Variants in KIAA0513 observed in about 807,000 individuals in gnomAD.
KIAA0513 encodes uncharacterized protein KIAA0513.
Under a neutral mutation model 56.5 loss-of-function variants are expected in KIAA0513, and 39 were observed. The observed-to-expected ratio is 0.69, with a 90% CI of 0.53 to 0.90. The LOEUF is 0.90. Ranked by LOEUF, KIAA0513 falls within the 40% of genes least tolerant of loss-of-function variation. The pLI is 0.00. For missense variants in KIAA0513, 591 were observed against 535.2 expected, an observed-to-expected ratio of 1.10 and a Z score of -1.03; for synonymous variants, 268 against 215.6, an observed-to-expected ratio of 1.24 and a Z score of -2.13.
chr16:85,034,938 A>G (rs1457977101), intron 1 of KIAA0513, among the ~76,000 whole-genome samples: 1 of 152,182 alleles, frequency 6.6e-6, no homozygotes, highest in Non-Finnish European at 1.5e-5. Context: ...GAGAAAGTGC[A>G]GGTCACCTTT....
intron 12 of KIAA0513, 108 bp from the exon 13 acceptor site, chr16:85,088,168 C>T: frequency 3.0e-6 from 3 of 984,682 alleles, no homozygotes; most frequent in South Asian, 2.8e-5. Flanking sequence ...GAGCTGCAGC[C>T]CTGCTCCCAG....
At chr16:85,045,784 C>T (rs1392721441) in intron 1 of KIAA0513, among the ~76,000 whole-genome samples, 1 of 152,208 alleles carries the variant, frequency 6.6e-6, no homozygotes, top group Non-Finnish European at 1.5e-5. Context: ...TCTGCTCCAG[C>T]CTGTGCAGGC....
In KIAA0513 at chr16:85,093,773, G is replaced by A. The variant is rs1254902551; in HGVS notation, c.*5448G>A. ...AGGGTCTTCTGGGTGGACACGTGGAGAAAGAGAAGGCAAACGTTGGAACAC... is the reference window on the plus strand; with the variant it reads ...AGGGTCTTCTGGGTGGACACGTGGAAAAAGAGAAGGCAAACGTTGGAACAC... On this transcript the variant is annotated 3_prime_UTR_variant, in exon 13 of 13. Coordinates refer to ENST00000683363, the MANE Select transcript of KIAA0513 (RefSeq NM_001388359.1). The A allele has an allele frequency of 1.3e-5, 2 of 152,324 alleles. No individual in the cohort carries two copies. Among genetic ancestry groups the A allele is most frequent in the African/African-American group, 4.8e-5 (2 of 41,456 alleles). 9.4% of individuals were successfully genotyped at this position (152,324 alleles called of 1,614,324 possible).
rs78892413 is a variant in KIAA0513, at chr16:85,061,965, C to T, written c.-172-4935C>T. Among the ~76,000 whole-genome samples, 102 of 152,244 alleles carry T rather than the reference C, an allele frequency of 6.7e-4. 1 individual carries two copies. The East Asian group carries it at 0.018, about 27-fold the overall frequency. On this transcript the variant is annotated intron_variant, in intron 1 of 12. Coordinates refer to ENST00000683363, the MANE Select transcript of KIAA0513 (RefSeq NM_001388359.1). Reference sequence around the variant, plus strand: ...CTTTCTAAAGTGGTTACCTTAGGGCCTGCATGCTTCATGTTCCCTCTGCCT... The same window carrying T: ...CTTTCTAAAGTGGTTACCTTAGGGCTTGCATGCTTCATGTTCCCTCTGCCT...
intron 1 of KIAA0513, among the ~76,000 whole-genome samples, chr16:85,065,988 G>A (rs1373797006): frequency 6.6e-6 from 1 of 152,230 alleles, no homozygotes; most frequent in African/African-American, 2.4e-5. Flanking sequence ...ACGTAGTCAG[G>A]AGTCCTCGCT....
chr16:85,093,376 G>A lies in KIAA0513; in HGVS notation c.*5051G>A, dbSNP rs111612726. The stretch of plus-strand genomic sequence containing the variant: ...CTTCCCTTCTACACCCCTCCTGCAG[G>A]ACAGTACGATTTGGGGAGAACCCAG... On this transcript the variant is annotated 3_prime_UTR_variant, in exon 13 of 13. Coordinates refer to ENST00000683363, the MANE Select transcript of KIAA0513 (RefSeq NM_001388359.1). 5,149 of 152,558 alleles carry A rather than the reference G, an allele frequency of 0.034. 132 individuals carry two copies. Among genetic ancestry groups the A allele is most frequent in the Non-Finnish European group, 0.053 (3,624 of 68,034 alleles). The allele number at this position is 152,558 out of a possible 1,614,324, so 9.5% of individuals were successfully genotyped here.
intron 1 of KIAA0513, among the ~76,000 whole-genome samples, chr16:85,040,841 G>A (rs531692722): frequency 4.6e-5 from 7 of 152,200 alleles, no homozygotes; most frequent in Non-Finnish European, 7.3e-5. Flanking sequence ...TGTGCCTTGA[G>A]AACTGTGGAT....
chr16:85,051,993 A>G (rs2073259180), intron 1 of KIAA0513, among the ~76,000 whole-genome samples: 1 of 151,714 alleles, frequency 6.6e-6, no homozygotes, highest in Non-Finnish European at 1.5e-5. Context: ...CACTTATTAA[A>G]TGAAAATGCC....
At chr16:85,080,180 G>A (rs1404676645) in intron 8 of KIAA0513, among the ~76,000 whole-genome samples, 1 of 152,306 alleles carries the variant, frequency 6.6e-6, no homozygotes, top group African/African-American at 2.4e-5. Flanking sequence ...TGGAAGCAGA[G>A]GACGGGGAGA....
At chr16:85,033,179 G>C (rs1052170017) in intron 1 of KIAA0513, among the ~76,000 whole-genome samples, 1 of 152,138 alleles carries the variant, frequency 6.6e-6, no homozygotes, top group African/African-American at 2.4e-5. Flanking sequence ...AGTACTGACC[G>C]TTGTGCTTCA....
At position 85,078,912 on chromosome 16, in the gene KIAA0513, T is replaced by C. The variant is rs773356653; in HGVS notation, c.824-13T>C. On this transcript the variant is annotated splice_polypyrimidine_tract_variant and intron_variant, in intron 7 of 12. Transcript: ENST00000683363. ...ACCAGAGCTGCTTTCAGCCATTCTC[T>C]CTCCTCCCACAGTGACCGCGTACAG... 3 of 1,613,770 alleles carry C rather than the reference T, an allele frequency of 1.9e-6. No individual in the cohort carries two copies. In the African/African-American group the frequency reaches 4.0e-5, roughly 22 times the overall value.
intron 10 of KIAA0513, among the ~76,000 whole-genome samples, chr16:85,083,645 G>C (rs1007943500): frequency 6.6e-6 from 1 of 152,172 alleles, no homozygotes; most frequent in Non-Finnish European, 1.5e-5. Flanking sequence ...GCTCAGCTGA[G>C]GGGACAGCTG....
rs1408297993 is a variant in KIAA0513, at chr16:85,090,718, C to T, written c.*2393C>T. ...AGGTCTCCTCTGTGCTCCATCCACA[C>T]AGGATGCCGGAGAGACAGCCCCTTG... On this transcript the variant is annotated 3_prime_UTR_variant, in exon 13 of 13. Transcript: ENST00000683363. The T allele has an allele frequency of 6.6e-6, 1 of 152,314 alleles. No individual in the cohort carries two copies. The highest frequency in any genetic ancestry group is 6.5e-5 in the Admixed American group (1 of 15,286). 9.4% of individuals were successfully genotyped at this position (152,314 alleles called of 1,614,324 possible). A position where few individuals can be genotyped will look rare whatever the true frequency, so the allele number is the denominator to read the frequency against.
At chr16:85,050,080 A>G (rs1174137758) in intron 1 of KIAA0513, among the ~76,000 whole-genome samples, 6 of 151,978 alleles carry the variant, frequency 3.9e-5, no homozygotes, top group Non-Finnish European at 5.9e-5. Context: ...CGCAGTTGCA[A>G]TGGAACCAAC....
intron 2 of KIAA0513, among the ~76,000 whole-genome samples, chr16:85,069,258 T>A (rs780160464): frequency 6.6e-6 from 1 of 151,610 alleles, no homozygotes; most frequent in Non-Finnish European, 1.5e-5. Flanking sequence ...TCACCCAGGC[T>A]TGAGTGCAGT....
At chr16:85,039,937 C>G (rs1285814070) in intron 1 of KIAA0513, among the ~76,000 whole-genome samples, 2 of 151,748 alleles carry the variant, frequency 1.3e-5, no homozygotes, top group Admixed American at 6.6e-5. Flanking sequence ...CAGGTTCAAG[C>G]AATTCTCCTG....
chr16:85,063,809 T>C (rs959229388), intron 1 of KIAA0513: 3 of 151,928 alleles, frequency 2.0e-5, no homozygotes, highest in African/African-American at 7.2e-5. Flanking sequence ...AGAGTAAAAT[T>C]AAATTTCTCT....
rs1428566350 is a variant in KIAA0513, at chr16:85,078,957, G to A, written c.856G>A (p.Gly286Arg). Reference sequence around the variant, plus strand: ...GTACAGCCCCGAGGACGAAAAGAAGGGGGAGAAGATCTACCTGTACACGCA... The same window carrying A: ...GTACAGCCCCGAGGACGAAAAGAAGAGGGAGAAGATCTACCTGTACACGCA... ...TAYSPEDEKK[G>R]EKIYLYTHLK... The change falls in exon 8 of 13, where the codon GGG becomes AGG. Residue 286 changes from glycine to arginine, a missense_variant. Transcript: ENST00000683363. The A allele has an allele frequency of 6.2e-7, 1 of 1,614,136 alleles. No homozygotes were observed. The highest frequency in any genetic ancestry group is 1.1e-5 in the South Asian group (1 of 91,078).
chr16:85,071,780 TAG>T lies in KIAA0513; in HGVS notation c.330-2_330-1del. 7.7e-6 allele frequency: 12 copies of T among 1,567,838 alleles called. No individual in the cohort carries two copies. The Admixed American group carries it at 9.9e-5, about 13-fold the overall frequency. On this transcript the variant is annotated splice_acceptor_variant, in intron 2 of 12. Coordinates refer to ENST00000683363, the MANE Select transcript of KIAA0513 (RefSeq NM_001388359.1). ...TTCCTCTGCTCTTTTTTTTTTTTTT[TAG>T]GGAGGACTTGGATCAGGAGGAGAAA...
Sources: gnomAD v4.1 joint callset for allele counts (sites outside exome capture counted in the v4.1 genomes callset) on GRCh38, gnomAD v4.1.1 for gene constraint, MANE v1.5 for transcripts, NCBI Gene and HGNC (gene_info 2026-07-23, HGNC 2026-07-21) for gene names.